The following ITGA6 variants were observed in gnomAD, a reference collection of about 807,000 sequenced individuals.
ITGA6 encodes the protein integrin alpha-6.
Under a neutral mutation model 133.6 loss-of-function variants are expected in ITGA6, and 63 were observed. The observed-to-expected ratio is 0.47, with a 90% CI of 0.38 to 0.58. The LOEUF is 0.58. Ranked by LOEUF, ITGA6 falls within the 20% of genes least tolerant of loss-of-function variation. The pLI is 0.00. For synonymous variants in ITGA6, 434 were observed against 482.0 expected (o/e 0.90, Z 1.30); for missense variants, 1,068 against 1,309.4 (o/e 0.82, Z 2.85).
Position 172,427,646 on chromosome 2 carries a change from G to A in ITGA6, c.-143G>A. The A allele has an allele frequency of 2.3e-6, 3 of 1,300,366 alleles. No homozygotes were observed. Among genetic ancestry groups the A allele is most frequent in the Non-Finnish European group, 2.9e-6 (3 of 1,027,110 alleles). The allele number at this position is 1,300,366 out of a possible 1,614,324, so 80.6% of individuals were successfully genotyped here. A position where few individuals can be genotyped will look rare whatever the true frequency, so the allele number is the denominator to read the frequency against. On this transcript the variant is annotated 5_prime_UTR_variant, in exon 1 of 26. Coordinates refer to ENST00000684293, the MANE Select transcript of ITGA6 (RefSeq NM_000210.4). ...GGGGGAGCGGCCGGACGGAGAGCGC[G>A]ACCCGTCCCGGGGGTGGGGCCGGGC...
chr2:172,504,498 C>A lies in ITGA6; in HGVS notation c.*430C>A. ...TGCCGTAATTTAACTTTCTGGGTTGCCTTTATTTTTGGCGTGGCTGACTTA... is the reference window on the plus strand; with the variant it reads ...TGCCGTAATTTAACTTTCTGGGTTGACTTTATTTTTGGCGTGGCTGACTTA... On this transcript the variant is annotated 3_prime_UTR_variant, in exon 26 of 26. Transcript: ENST00000684293. 1 of 359,326 alleles carries A rather than the reference C, an allele frequency of 2.8e-6. No homozygotes were observed. The highest frequency in any genetic ancestry group is 5.1e-6 in the Non-Finnish European group (1 of 195,052). 22.3% of individuals were successfully genotyped at this position (359,326 alleles called of 1,614,324 possible).
intron 1 of ITGA6, among the ~76,000 whole-genome samples, chr2:172,462,287 A>G (rs1685458983): frequency 6.6e-6 from 1 of 152,128 alleles, no homozygotes; most frequent in Admixed American, 6.6e-5. Context: ...GGGCGGTGGA[A>G]CACTCCTGCT....
chr2:172,467,626 T>TA, intron 3 of ITGA6, 66 bp downstream of exon 3: 1 of 1,242,906 alleles, frequency 8.0e-7, no homozygotes, highest in South Asian at 1.2e-5. Flanking sequence ...GCACCAGGCT[T>TA]ACAGCAGGGG....
intron 20 of ITGA6, chr2:172,490,071 T>A: frequency 5.2e-6 from 1 of 193,036 alleles, no homozygotes; most frequent in Non-Finnish European, 1.1e-5. Flanking sequence ...GAAAGCTTTT[T>A]ATGCTTATTT....
chr2:172,435,879 T>G (rs1022719448), intron 1 of ITGA6, among the ~76,000 whole-genome samples: 2 of 152,070 alleles, frequency 1.3e-5, no homozygotes, highest in African/African-American at 4.8e-5. Context: ...TCAGCCTGGC[T>G]TGGCCTCCCA....
intron 11 of ITGA6, among the ~76,000 whole-genome samples, chr2:172,482,743 A>G (rs1686501710): frequency 6.6e-6 from 1 of 152,236 alleles, no homozygotes; most frequent in African/African-American, 2.4e-5. Context: ...ATGGGGGAGC[A>G]TTCCATTTGG....
chr2:172,433,066 G>T (rs573013630), intron 1 of ITGA6, among the ~76,000 whole-genome samples: 2 of 152,180 alleles, frequency 1.3e-5, no homozygotes, highest in African/African-American at 4.8e-5. Flanking sequence ...GATCTGTGTA[G>T]CACCCCCGCT....
intron 1 of ITGA6, among the ~76,000 whole-genome samples, chr2:172,448,700 A>C (rs1684867413): frequency 1.3e-5 from 2 of 152,324 alleles, no homozygotes; most frequent in South Asian, 4.1e-4. Flanking sequence ...CCTTTTAACC[A>C]ACTTTCTGTG....
In ITGA6 at chr2:172,427,637, G is replaced by A; in HGVS notation, c.-152G>A. The A allele has an allele frequency of 4.6e-6, 6 of 1,291,116 alleles. No individual in the cohort carries two copies. The highest frequency in any genetic ancestry group is 4.3e-5 in the Admixed American group (1 of 23,286). The allele number at this position is 1,291,116 out of a possible 1,614,324, so 80.0% of individuals were successfully genotyped here. Reference sequence around the variant, plus strand: ...TGCCCGCGAGGGGGAGCGGCCGGACGGAGAGCGCGACCCGTCCCGGGGGTG... The same window carrying A: ...TGCCCGCGAGGGGGAGCGGCCGGACAGAGAGCGCGACCCGTCCCGGGGGTG... On this transcript the variant is annotated 5_prime_UTR_variant, in exon 1 of 26. Transcript: ENST00000684293.
chr2:172,501,775 G>T lies in ITGA6; in HGVS notation c.3118G>T (p.Gly1040Cys). The T allele has an allele frequency of 6.2e-7, 1 of 1,612,150 alleles. No individual in the cohort carries two copies. The highest frequency in any genetic ancestry group is 1.1e-5 in the South Asian group (1 of 90,912). The change falls in exon 25 of 26, where the codon GGT (glycine) becomes TGT (cysteine). Residue 1040 changes from glycine to cysteine, a missense_variant. Gly to Cys is a radical substitution (Grantham distance 159). Coordinates refer to ENST00000684293, the MANE Select transcript of ITGA6 (RefSeq NM_000210.4). ...ALLVFILWKC[G>C]FFKRNKKDHY... ...TAAATACCTTGCTTCCTTGTAGTGT[G>T]GTTTCTTCAAGAGAAATAAGAAAGA... is the stretch of plus-strand genomic sequence containing the variant.
chr2:172,480,049 T>G lies in ITGA6; in HGVS notation c.1547T>G (p.Ile516Arg). The G allele has an allele frequency of 6.6e-7, 1 of 1,522,736 alleles. No homozygotes were observed. The highest frequency in any genetic ancestry group is 9.1e-7 in the Non-Finnish European group (1 of 1,096,898). The allele number at this position is 1,522,736 out of a possible 1,614,324, so 94.3% of individuals were successfully genotyped here. A position where few individuals can be genotyped will look rare whatever the true frequency, so the allele number is the denominator to read the frequency against. ...AACCCCGCTGGTTATAATCCTTCAA[T>G]ATGTAAGTACCTAGTACCTTTAAAA... ...TANPAGYNPS[I>R]SIVGTLEAEK... The change falls in exon 11 of 26, where the codon ATA (isoleucine) becomes AGA (arginine). Residue 516 changes from isoleucine (I) to arginine (R), a missense_variant and splice_region_variant. Ile to Arg is a moderately conservative substitution (Grantham distance 97). Transcript: ENST00000684293.
chr2:172,503,075 C>T (rs1687413543), intron 25 of ITGA6, among the ~76,000 whole-genome samples: 1 of 151,770 alleles, frequency 6.6e-6, no homozygotes, highest in Non-Finnish European at 1.5e-5. Context: ...ATAATTTTAT[C>T]TTGCTCCATG....
intron 1 of ITGA6, among the ~76,000 whole-genome samples, chr2:172,432,025 G>T (rs1454897563): frequency 2.0e-5 from 3 of 152,156 alleles, no homozygotes; most frequent in Admixed American, 6.5e-5. Flanking sequence ...AATAGTACCA[G>T]AATTATGGCG....
Position 172,471,065 on chromosome 2 carries a change from T to C in ITGA6, c.735T>C (p.His245=), listed in dbSNP as rs1376993669. ...GPYEVGGETE[H]DESLVPVPAN... ...ATGAAGTTGGTGGAGAGACTGAGCATGATGAAAGTCTCGTTCCTGTTCCTG... is the reference window on the plus strand; with the variant it reads ...ATGAAGTTGGTGGAGAGACTGAGCACGATGAAAGTCTCGTTCCTGTTCCTG... The change falls in exon 5 of 26, where the codon CAT becomes CAC. Residue 245 remains histidine, a synonymous_variant. Transcript: ENST00000684293. 2 of 1,614,062 alleles carry C rather than the reference T, an allele frequency of 1.2e-6. No homozygotes were observed. Among genetic ancestry groups the C allele is most frequent in the African/African-American group, 1.3e-5 (1 of 74,926 alleles).
intron 20 of ITGA6, 158 bp from the exon 21 acceptor site, chr2:172,490,866 C>A (rs1331855145): frequency 4.8e-6 from 3 of 626,430 alleles, no homozygotes; most frequent in African/African-American, 1.9e-5. Context: ...ATAATACTTG[C>A]TGGTTTTACA....
intron 2 of ITGA6, among the ~76,000 whole-genome samples, chr2:172,466,772 T>C (rs565692537): frequency 5.3e-4 from 79 of 149,534 alleles, no homozygotes; most frequent in African/African-American, 1.5e-3. Context: ...TTTTTCCTTC[T>C]GTCTAAAGTT....
Position 172,484,880 on chromosome 2 carries a change from C to G in ITGA6, c.1648C>G (p.Gln550Glu). ...CCAAGGTTCTGAGCCCAAATATACTCAAGAACTAACTCTGAAGAGGCAGAA... is the reference window on the plus strand; with the variant it reads ...CCAAGGTTCTGAGCCCAAATATACTGAAGAACTAACTCTGAAGAGGCAGAA... Reference protein sequence around the residue: ...RNQGSEPKYTQELTLKRQKQK... With the variant: ...RNQGSEPKYTEELTLKRQKQK... Residue 550 changes from glutamine to glutamate, a missense_variant, in exon 12 of 26, where the codon CAA (glutamine) becomes GAA (glutamate). By Grantham distance (29) the Gln-to-Glu change is conservative. Coordinates refer to ENST00000684293, the MANE Select transcript of ITGA6 (RefSeq NM_000210.4). 6.2e-7 allele frequency: 1 copy of G among 1,614,076 alleles called. No individual in the cohort carries two copies. The highest frequency in any genetic ancestry group is 2.2e-5 in the East Asian group (1 of 44,882).
chr2:172,489,378 T>C (rs1177692080), intron 19 of ITGA6, 107 bp from the exon 20 acceptor site: 20 of 855,520 alleles, frequency 2.3e-5, no homozygotes, highest in Non-Finnish European at 3.4e-5. Context: ...GCTTTTATTA[T>C]AGGATTACGT....
At chr2:172,465,256 A>G (rs946896127) in intron 1 of ITGA6, 13 of 499,510 alleles carry the variant, frequency 2.6e-5, no homozygotes, top group African/African-American at 2.1e-4. Context: ...GTGTCTTTTA[A>G]ACACCAGATC....
Sources: allele counts gnomAD v4.1 joint callset (sites outside exome capture counted in the v4.1 genomes callset), GRCh38; gene constraint gnomAD v4.1.1; transcripts MANE v1.5; gene names NCBI Gene and HGNC (gene_info 2026-07-23, HGNC 2026-07-21).